The following SUGCT variants were observed in gnomAD, a reference collection of about 807,000 sequenced individuals.
SUGCT encodes the protein succinyl-CoA:glutarate-CoA transferase, also known as succinyl-CoA:glutarate CoA-transferase.
Under a neutral mutation model 55.0 loss-of-function variants are expected in SUGCT, and 41 were observed. That is an observed-to-expected ratio of 0.74 (90% confidence interval 0.58 to 0.97). The LOEUF is 0.97. Ranked by LOEUF, SUGCT falls within the 50% of genes least tolerant of loss-of-function variation. The probability of loss-of-function intolerance (pLI) is 0.00; values close to 1 mark genes in which losing one functional copy is unlikely to be tolerated. For missense variants in SUGCT, 568 were observed against 547.8 expected (o/e 1.04, Z -0.37); for synonymous variants, 187 against 200.4 (o/e 0.93, Z 0.56).
At chr7:40,385,256 G>T (rs1315176816) in intron 9 of SUGCT, among the ~76,000 whole-genome samples, 1 of 152,162 alleles carries the variant, frequency 6.6e-6, no homozygotes, top group Non-Finnish European at 1.5e-5. Flanking sequence ...GGGCTTTGGA[G>T]TTCATGGTTG....
chr7:40,236,168 C>T (rs1198565995), intron 6 of SUGCT, among the ~76,000 whole-genome samples: 2 of 152,040 alleles, frequency 1.3e-5, no homozygotes, highest in African/African-American at 4.8e-5. Context: ...AGCAGTTCTC[C>T]TGCCTCAGCC....
At chr7:40,908,382 C>CAAAAA in the SUGCT span, among the ~76,000 whole-genome samples, 1 of 82,614 alleles carries the variant, frequency 1.2e-5, no homozygotes, top group South Asian at 3.7e-4. Flanking sequence ...GACTCTGTCT[C>CAAAAA]AAAAAAAAAA....
At chr7:40,907,526 G>GT in the SUGCT span, among the ~76,000 whole-genome samples, 1 of 152,160 alleles carries the variant, frequency 6.6e-6, no homozygotes, top group African/African-American at 2.4e-5. Context: ...ACTGTTACTG[G>GT]TTTTATATGC....
At chr7:40,247,770 A>G (rs1790003369) in intron 7 of SUGCT, among the ~76,000 whole-genome samples, 1 of 152,214 alleles carries the variant, frequency 6.6e-6, no homozygotes, top group Non-Finnish European at 1.5e-5. Context: ...TATTCTAAAT[A>G]CAAGTATTTG....
At chr7:41,013,860 A>G in the SUGCT span, among the ~76,000 whole-genome samples, 2 of 152,048 alleles carry the variant, frequency 1.3e-5, no homozygotes, top group African/African-American at 2.4e-5. Context: ...CATGCAGATA[A>G]CTGGAGTAGA....
At chr7:40,312,039 T>G (rs1445100117) in intron 8 of SUGCT, among the ~76,000 whole-genome samples, 1 of 143,294 alleles carries the variant, frequency 7.0e-6, no homozygotes, top group Non-Finnish European at 1.5e-5. Flanking sequence ...CACCTGTATG[T>G]CCTCACATAA....
chr7:40,955,360 G>A, the SUGCT span, among the ~76,000 whole-genome samples: 50,567 of 151,936 alleles, frequency 0.33, 9,126 homozygotes, highest in Admixed American at 0.45. Flanking sequence ...TCCCTTGTAA[G>A]TTGTATTCCT....
At chr7:40,504,230 CCTTCTT>C (rs1027678726) in intron 12 of SUGCT, among the ~76,000 whole-genome samples, 1 of 151,536 alleles carries the variant, frequency 6.6e-6, no homozygotes, top group Non-Finnish European at 1.5e-5. Flanking sequence ...GGAGAATAGA[CCTTCTT>C]CTTTTTTAAA....
At position 40,162,291 on chromosome 7, in the gene SUGCT, T is replaced by C. The variant is rs374054530; in HGVS notation, c.101-18656T>C. Among the ~76,000 whole-genome samples, 92 of 152,318 alleles carry C rather than the reference T, an allele frequency of 6.0e-4. 2 individuals carry two copies. In the South Asian group the frequency reaches 0.018, roughly 29 times the overall value. ...GTTGTCATCGCTTATGTAAATTTTATACTGTAAACCAAGGTGAGAATAAGA... is the reference window on the plus strand; with the variant it reads ...GTTGTCATCGCTTATGTAAATTTTACACTGTAAACCAAGGTGAGAATAAGA... On this transcript the variant is annotated intron_variant, in intron 1 of 13. Transcript: ENST00000335693.
chr7:40,482,846 T>A (rs1469916900), intron 11 of SUGCT, among the ~76,000 whole-genome samples: 1 of 152,206 alleles, frequency 6.6e-6, no homozygotes, highest in Non-Finnish European at 1.5e-5. Context: ...ACATAACTGT[T>A]GTTTTTAAGA....
chr7:40,366,033 C>G (rs1282002134), intron 9 of SUGCT, among the ~76,000 whole-genome samples: 3 of 152,190 alleles, frequency 2.0e-5, no homozygotes, highest in Non-Finnish European at 4.4e-5. Context: ...GCTACAGTTA[C>G]CAAAACAGCA....
intron 9 of SUGCT, among the ~76,000 whole-genome samples, chr7:40,384,595 G>A (rs1471715098): frequency 6.6e-6 from 1 of 151,832 alleles, no homozygotes; most frequent in East Asian, 1.9e-4. Context: ...CTGTTGCCTG[G>A]GCTGGAGTGC....
At chr7:40,277,348 A>ATT (rs34112220) in intron 8 of SUGCT, among the ~76,000 whole-genome samples, 35,703 of 146,454 alleles carry the variant, frequency 0.24, 4,844 homozygotes, top group African/African-American at 0.37. Flanking sequence ...CTCCTGGCTA[A>ATT]TTTTTTTTTT....
intron 12 of SUGCT, among the ~76,000 whole-genome samples, chr7:40,670,574 C>T (rs1801892055): frequency 6.6e-6 from 1 of 152,096 alleles, no homozygotes; most frequent in Admixed American, 6.5e-5. Context: ...GAGTCATTGT[C>T]TTGCCATGTT....
chr7:40,909,019 C>A, the SUGCT span, among the ~76,000 whole-genome samples: 3 of 151,662 alleles, frequency 2.0e-5, no homozygotes, highest in African/African-American at 7.3e-5. Context: ...TCTAAAATAC[C>A]CCCAAGACTA....
At chr7:40,362,541 A>G (rs1798209019) in intron 9 of SUGCT, among the ~76,000 whole-genome samples, 1 of 152,216 alleles carries the variant, frequency 6.6e-6, no homozygotes, top group South Asian at 2.1e-4. Flanking sequence ...TGCATGCTAG[A>G]GAAGGAAGCT....
intron 12 of SUGCT, among the ~76,000 whole-genome samples, chr7:40,736,321 A>G (rs1787165060): frequency 6.8e-6 from 1 of 147,576 alleles, no homozygotes; most frequent in African/African-American, 2.5e-5. Context: ...CTTATAATAC[A>G]TTATATATAC....
the SUGCT span, among the ~76,000 whole-genome samples, chr7:40,901,129 A>G: frequency 4.8e-3 from 724 of 152,346 alleles, 7 homozygotes; most frequent in African/African-American, 0.017. Context: ...TCCATTGTAG[A>G]GAAGATATTT....
chr7:40,417,065 T>C (rs908085192), intron 9 of SUGCT, among the ~76,000 whole-genome samples: 4 of 151,980 alleles, frequency 2.6e-5, no homozygotes, highest in Non-Finnish European at 5.9e-5. Flanking sequence ...TTTCATAAAA[T>C]TTTCTAACTC....
Sources: gnomAD v4.1 joint callset for allele counts (sites outside exome capture counted in the v4.1 genomes callset) on GRCh38, gnomAD v4.1.1 for gene constraint, MANE v1.5 for transcripts, NCBI Gene and HGNC (gene_info 2026-07-23, HGNC 2026-07-21) for gene names.